GRM3: variants seen among roughly 807,000 people sequenced by gnomAD.
The protein encoded by GRM3 is metabotropic glutamate receptor 3.
In GRM3, 26 loss-of-function variants were observed where a neutral mutation model predicts 70.5. The ratio of observed to expected loss-of-function variants is 0.37; its 90% confidence interval spans 0.27 to 0.51. GRM3 has a LOEUF of 0.51. Ranked by LOEUF, GRM3 falls within the 20% of genes least tolerant of loss-of-function variation. The pLI is 0.93. For missense variants in GRM3, 859 were observed against 1,123.8 expected, an observed-to-expected ratio of 0.76 and a Z score of 3.37; for synonymous variants, 443 against 434.9, an observed-to-expected ratio of 1.02 and a Z score of -0.23.
In GRM3 at chr7:86,787,021, C is replaced by G; in HGVS notation, c.1229C>G (p.Thr410Ser). 1.2e-6 allele frequency: 2 copies of G among 1,613,490 alleles called. No homozygotes were observed. The highest frequency in any genetic ancestry group is 1.7e-6 in the Non-Finnish European group (2 of 1,179,558). ...MAHALHKMQR[T>S]LCPNTTKLCD... Reference sequence around the variant, plus strand: ...CACGCTTTGCACAAAATGCAGCGCACCCTCTGTCCCAACACTACCAAGCTT... The same window carrying G: ...CACGCTTTGCACAAAATGCAGCGCAGCCTCTGTCCCAACACTACCAAGCTT... Residue 410 changes from threonine (T) to serine (S), a missense_variant, in exon 3 of 6, where the codon ACC becomes AGC. Physicochemically the swap from Thr to Ser is moderately conservative, Grantham distance 58. Coordinates refer to ENST00000361669, the MANE Select transcript of GRM3 (RefSeq NM_000840.3).
rs749456155 is a variant in GRM3, at chr7:86,785,685, A to ATTTTTTTTTTTTTTTTTTT, written c.469-561_469-543dup. Among the ~76,000 whole-genome samples the ATTTTTTTTTTTTTTTTTTT allele has an allele frequency of 6.1e-5, 4 of 65,232 alleles. 1 individual carries two copies. Among genetic ancestry groups the ATTTTTTTTTTTTTTTTTTT allele is most frequent in the Admixed American group, 4.7e-4 (2 of 4,232 alleles). 42.8% of individuals were successfully genotyped at this position (65,232 alleles called of 152,430 possible). On this transcript the variant is annotated intron_variant, in intron 2 of 5. Coordinates refer to ENST00000361669, the MANE Select transcript of GRM3 (RefSeq NM_000840.3). ...TTGGGTGGTGGACTAAATAGAATTGATTTTTTTTTTTTTTTTTTTTTTTTT... is the reference window on the plus strand; with the variant it reads ...TTGGGTGGTGGACTAAATAGAATTGATTTTTTTTTTTTTTTTTTTTTTTTTTTTTTTTTTTTTTTTTTTT...
intron 1 of GRM3, among the ~76,000 whole-genome samples, chr7:86,671,414 T>C (rs917783006): frequency 2.6e-5 from 4 of 152,196 alleles, no homozygotes; most frequent in African/African-American, 9.6e-5. Flanking sequence ...AGTTAGCACA[T>C]CTAGCACATA....
chr7:86,769,863 A>G (rs1796695429), intron 2 of GRM3, among the ~76,000 whole-genome samples: 1 of 152,158 alleles, frequency 6.6e-6, no homozygotes, highest in Non-Finnish European at 1.5e-5. Context: ...ATTAGCAAAT[A>G]TATGTGGGAG....
chr7:86,722,717 T>C (rs924049804), intron 1 of GRM3, among the ~76,000 whole-genome samples: 1 of 152,052 alleles, frequency 6.6e-6, no homozygotes, highest in Non-Finnish European at 1.5e-5. Context: ...AACCTGCACG[T>C]TCTGCAGATG....
chr7:86,853,544 T>C (rs1009541312), intron 5 of GRM3, among the ~76,000 whole-genome samples: 2 of 152,212 alleles, frequency 1.3e-5, no homozygotes, highest in Admixed American at 1.3e-4. Flanking sequence ...GCATATGTTT[T>C]TCTTGGGTTG....
At chr7:86,645,992 T>TGGG (rs1562811215) in intron 1 of GRM3, among the ~76,000 whole-genome samples, 1 of 6,104 alleles carries the variant, frequency 1.6e-4, no homozygotes, top group African/African-American at 6.4e-4. Flanking sequence ...GGCGGGGGGG[T>TGGG]GGGGGTGGGG....
At chr7:86,666,450 G>C (rs1020782605) in intron 1 of GRM3, among the ~76,000 whole-genome samples, 15 of 152,086 alleles carry the variant, frequency 9.9e-5, no homozygotes, top group African/African-American at 3.4e-4. Flanking sequence ...TCATGAATAT[G>C]TTTATGGTAT....
At chr7:86,668,907 T>G (rs528354392) in intron 1 of GRM3, among the ~76,000 whole-genome samples, 1 of 152,276 alleles carries the variant, frequency 6.6e-6, no homozygotes, top group East Asian at 1.9e-4. Flanking sequence ...AATTTACAAA[T>G]GTCCAGAGAA....
At chr7:86,763,342 T>C (rs979445275) in intron 1 of GRM3, among the ~76,000 whole-genome samples, 3 of 152,124 alleles carry the variant, frequency 2.0e-5, no homozygotes, top group African/African-American at 7.2e-5. Flanking sequence ...CAGTCAGATC[T>C]CTCACTTGAC....
chr7:86,716,869 A>G (rs59197270), intron 1 of GRM3, among the ~76,000 whole-genome samples: 1,527 of 151,992 alleles, frequency 0.01, 25 homozygotes, highest in African/African-American at 0.034. Flanking sequence ...TGTTAAAGGG[A>G]TCAATGACTA....
intron 1 of GRM3, among the ~76,000 whole-genome samples, chr7:86,740,930 C>T (rs1365955560): frequency 6.6e-6 from 1 of 152,152 alleles, no homozygotes; most frequent in Non-Finnish European, 1.5e-5. Context: ...ATGTACAGAT[C>T]AACCTGTATG....
At position 86,655,845 on chromosome 7, in the gene GRM3, T is replaced by TGG. The variant is rs1793724410; in HGVS notation, c.-141+10974_-141+10975insGG. 2.2e-5 allele frequency among the ~76,000 whole-genome samples: 3 copies of TGG among 136,526 alleles called. No homozygotes were observed. In the South Asian group the frequency reaches 6.7e-4, roughly 31 times the overall value. The allele number at this position is 136,526 out of a possible 152,430, so 89.6% of individuals were successfully genotyped here. On this transcript the variant is annotated intron_variant, in intron 1 of 5. Coordinates refer to ENST00000361669, the MANE Select transcript of GRM3 (RefSeq NM_000840.3). ...CTGTGTGTGTGTGTGTGTGTGTGTGTGTGTGTGGGTGGGTGGGTGTGTGTG... is the reference window on the plus strand; with the variant it reads ...CTGTGTGTGTGTGTGTGTGTGTGTGTGGGTGTGTGGGTGGGTGGGTGTGTGTG...
At chr7:86,767,069 G>C (rs1298004263) in intron 2 of GRM3, among the ~76,000 whole-genome samples, 1 of 151,830 alleles carries the variant, frequency 6.6e-6, no homozygotes, top group African/African-American at 2.4e-5. Context: ...AACATTAGCA[G>C]GGCATAGTGG....
intron 1 of GRM3, among the ~76,000 whole-genome samples, chr7:86,684,831 T>G (rs2237545): frequency 0.12 from 18,870 of 152,246 alleles, 1,265 homozygotes; most frequent in African/African-American, 0.17. Flanking sequence ...TCTCTGCCAC[T>G]TTCTAGCTTT....
At chr7:86,764,894 G>T (rs1053768812) in intron 1 of GRM3, 112 bp from the exon 2 acceptor site, 7 of 587,992 alleles carry the variant, frequency 1.2e-5, no homozygotes, top group Admixed American at 3.8e-5. Flanking sequence ...TGTACTGTGT[G>T]TTTAGTAAAT....
At position 86,841,931 on chromosome 7, in the gene GRM3, G is replaced by A. The variant is rs111306504; in HGVS notation, c.2391+2026G>A. Among the ~76,000 whole-genome samples the A allele has an allele frequency of 1.7e-3, 263 of 152,232 alleles. 3 individuals carry two copies. Among genetic ancestry groups the A allele is most frequent in the African/African-American group, 5.8e-3 (243 of 41,584 alleles). On this transcript the variant is annotated intron_variant, in intron 4 of 5. Coordinates refer to ENST00000361669, the MANE Select transcript of GRM3 (RefSeq NM_000840.3). Reference sequence around the variant, plus strand: ...TGTGGAATAGAGTTTTTTAAGGTCCGTGATAATTAAGGTATCCAGTGATGC... The same window carrying A: ...TGTGGAATAGAGTTTTTTAAGGTCCATGATAATTAAGGTATCCAGTGATGC...
At chr7:86,824,806 G>A (rs1182321170) in intron 3 of GRM3, among the ~76,000 whole-genome samples, 1 of 151,414 alleles carries the variant, frequency 6.6e-6, no homozygotes, top group East Asian at 1.9e-4. Flanking sequence ...ATATATATGT[G>A]TGTGTGTGCA....
intron 1 of GRM3, among the ~76,000 whole-genome samples, chr7:86,754,182 T>C (rs569160931): frequency 1.3e-5 from 2 of 152,282 alleles, no homozygotes; most frequent in African/African-American, 4.8e-5. Context: ...TGACTTCTAT[T>C]TGAGTATGGG....
At chr7:86,765,698 C>G (rs55986408) in intron 2 of GRM3, 85 bp downstream of exon 2, 1 of 1,042,460 alleles carries the variant, frequency 9.6e-7, no homozygotes, top group Non-Finnish European at 1.4e-6. Flanking sequence ...ATCATAATAA[C>G]GTCATCAACG....
Sources: gnomAD v4.1 joint callset for allele counts (sites outside exome capture counted in the v4.1 genomes callset) on GRCh38, gnomAD v4.1.1 for gene constraint, MANE v1.5 for transcripts, NCBI Gene and HGNC (gene_info 2026-07-23, HGNC 2026-07-21) for gene names.